Variants in DNAH8 observed in about 807,000 individuals in gnomAD.
The protein encoded by DNAH8 is dynein axonemal heavy chain 8.
DNAH8 carries 382 observed loss-of-function variants against 562.1 expected under a neutral mutation model. The ratio of observed to expected loss-of-function variants is 0.68; its 90% CI spans 0.63 to 0.74. The LOEUF (loss-of-function observed/expected upper bound fraction) is 0.74. DNAH8 is among the 30% of genes least tolerant of loss of function. The pLI, the probability that DNAH8 is intolerant of heterozygous loss-of-function variation, is 0.00. For missense variants in DNAH8, 5,203 were observed against 5,620.4 expected (o/e 0.93, Z 2.37); for synonymous variants, 1,881 against 1,919.4 (o/e 0.98, Z 0.52).
intron 32 of DNAH8, 79 bp from the exon 33 acceptor site, chr6:38,837,863 T>C: frequency 9.5e-7 from 1 of 1,047,318 alleles, no homozygotes; most frequent in East Asian, 2.5e-5. Context: ...ACCTAGCTTT[T>C]ATCCCAATGA....
At chr6:38,866,720 T>C in intron 46 of DNAH8, 43 bp downstream of exon 46, 8 of 1,600,218 alleles carry the variant, frequency 5.0e-6, no homozygotes, top group Non-Finnish European at 6.8e-6. Flanking sequence ...TTATGTTCTT[T>C]ACTTGTTTTT....
chr6:38,872,441 G>C, intron 49 of DNAH8, 95 bp from the exon 50 acceptor site: 1 of 1,346,624 alleles, frequency 7.4e-7, no homozygotes, highest in Non-Finnish European at 1.0e-6. Flanking sequence ...CGTTAATGAA[G>C]AGCTTATTAA....
intron 22 of DNAH8, among the ~76,000 whole-genome samples, chr6:38,803,621 C>A (rs1770988516): frequency 6.7e-6 from 1 of 149,858 alleles, no homozygotes; most frequent in South Asian, 2.1e-4. Flanking sequence ...TTTTCTGGTG[C>A]AGCATTCTTA....
chr6:38,981,024 C>T (rs908888389), intron 85 of DNAH8, among the ~76,000 whole-genome samples: 10 of 97,256 alleles, frequency 1.0e-4, no homozygotes, highest in African/African-American at 2.9e-4. Context: ...CTTGTGAAAA[C>T]GGCAGTGTGT....
At chr6:38,924,229 C>G (rs919020922) in intron 73 of DNAH8, 67 bp downstream of exon 73, 2 of 1,525,548 alleles carry the variant, frequency 1.3e-6, no homozygotes, top group South Asian at 2.4e-5. Flanking sequence ...ACTGAGAAAC[C>G]CGGCTGGGTG....
intron 21 of DNAH8, among the ~76,000 whole-genome samples, chr6:38,800,942 C>A (rs896881108): frequency 6.6e-6 from 1 of 152,158 alleles, no homozygotes; most frequent in Admixed American, 6.6e-5. Flanking sequence ...TTTATAGATA[C>A]TAGTTCCTTA....
rs1167503153 is a variant in DNAH8 at position 38,889,555 on chromosome 6, C to T, written c.8474-1097C>T. 3.3e-5 allele frequency among the ~76,000 whole-genome samples: 5 copies of T among 152,166 alleles called. No homozygotes were observed. The East Asian group carries it at 9.6e-4, about 29-fold the overall frequency. The stretch of plus-strand genomic sequence containing the variant: ...GACATACTCTTCAGTATGACTGACA[C>T]ATTTAAACAAATACGGAAAACAAAC... On this transcript the variant is annotated intron_variant, in intron 57 of 92. Coordinates refer to ENST00000327475, the MANE Select transcript of DNAH8 (RefSeq NM_001206927.2).
chr6:38,952,552 A>G (rs1192645847), intron 82 of DNAH8, among the ~76,000 whole-genome samples: 1 of 152,214 alleles, frequency 6.6e-6, no homozygotes, highest in African/African-American at 2.4e-5. Context: ...TATCCTGTGA[A>G]GTAAAATTAC....
In DNAH8 at chr6:38,881,180, A is replaced by G. The variant is rs147034957; in HGVS notation, c.7859-1730A>G. ...CAGAATGGCACAGCCACTTTGGAAA[A>G]TAGTTTGGCAGTGTTTTAGAAGTTA... On this transcript the variant is annotated intron_variant, in intron 53 of 92. Transcript: ENST00000327475. 1.2e-3 allele frequency among the ~76,000 whole-genome samples: 182 copies of G among 152,324 alleles called. 2 individuals are homozygous for G. The highest frequency in any genetic ancestry group is 4.0e-3 in the African/African-American group (167 of 41,580).
chr6:38,790,530 A>ATCCGT, intron 20 of DNAH8, 125 bp downstream of exon 20: 1 of 515,324 alleles, frequency 1.9e-6, no homozygotes, highest in Non-Finnish European at 3.4e-6. Flanking sequence ...TAGGTTTAAA[A>ATCCGT]TATCATGTTT....
chr6:38,980,029 A>G (rs1250692082), intron 85 of DNAH8, among the ~76,000 whole-genome samples: 1 of 152,190 alleles, frequency 6.6e-6, no homozygotes, highest in Non-Finnish European at 1.5e-5. Flanking sequence ...TTAATATCCC[A>G]TAACCCTCTC....
chr6:38,984,418 G>A (rs763373891), intron 87 of DNAH8, 111 bp downstream of exon 87: 18 of 693,922 alleles, frequency 2.6e-5, no homozygotes, highest in Admixed American at 6.5e-5. Flanking sequence ...CTGCTGCAAA[G>A]AATTAGCCAA....
intron 79 of DNAH8, 50 bp downstream of exon 79, chr6:38,939,038 T>C (rs779410137): frequency 6.8e-7 from 1 of 1,479,784 alleles, no homozygotes; most frequent in Non-Finnish European, 9.3e-7. Flanking sequence ...TTGCTTTTGA[T>C]ATGCTCTTTG....
intron 87 of DNAH8, among the ~76,000 whole-genome samples, chr6:38,989,176 G>A (rs188759280): frequency 3.3e-5 from 5 of 152,312 alleles, no homozygotes; most frequent in African/African-American, 9.6e-5. Context: ...GGAAGGCACC[G>A]TCCCTCTTTC....
chr6:38,863,381 C>A (rs951346469), intron 44 of DNAH8, among the ~76,000 whole-genome samples: 9 of 151,872 alleles, frequency 5.9e-5, no homozygotes, highest in African/African-American at 2.2e-4. Context: ...GAGCCGAGAT[C>A]TTGCCACTGC....
At chr6:39,012,418 A>G (rs1766276667) in intron 90 of DNAH8, 30 bp from the exon 91 acceptor site, 1 of 1,608,596 alleles carries the variant, frequency 6.2e-7, no homozygotes, top group Non-Finnish European at 8.5e-7. Context: ...GATGTTTCTT[A>G]TTCATGTGTT....
chr6:38,951,933 A>C (rs151238052), intron 82 of DNAH8, among the ~76,000 whole-genome samples: 1 of 152,224 alleles, frequency 6.6e-6, no homozygotes, highest in Non-Finnish European at 1.5e-5. Context: ...TTAGGGATTA[A>C]TTATTTCATT....
chr6:38,912,028 G>A (rs1258676398), intron 66 of DNAH8, among the ~76,000 whole-genome samples: 1 of 152,220 alleles, frequency 6.6e-6, no homozygotes, highest in African/African-American at 2.4e-5. Context: ...AAAAGAGATT[G>A]TGTACCTAAG....
chr6:38,787,759 A>G (rs978844760), intron 18 of DNAH8, among the ~76,000 whole-genome samples: 7 of 152,022 alleles, frequency 4.6e-5, no homozygotes, highest in African/African-American at 1.7e-4. Flanking sequence ...CTTTGATTCA[A>G]AGGTCGAATC....
Sources: allele counts gnomAD v4.1 joint callset (sites outside exome capture counted in the v4.1 genomes callset), GRCh38; gene constraint gnomAD v4.1.1; transcripts MANE v1.5; gene names NCBI Gene and HGNC (gene_info 2026-07-23, HGNC 2026-07-21).